JAKMIP1: variants seen among roughly 807,000 people sequenced by gnomAD.
JAKMIP1 encodes the protein janus kinase and microtubule interacting protein 1.
JAKMIP1 carries 33 observed loss-of-function variants against 113.0 expected under a neutral mutation model. That is an observed-to-expected ratio of 0.29 (90% confidence interval 0.22 to 0.39). JAKMIP1 has a LOEUF of 0.39. Among genes scored for constraint, JAKMIP1 ranks in the 10% least tolerant of loss-of-function variants. JAKMIP1 has a pLI of 1.00. For missense variants in JAKMIP1, 813 were observed against 1,080.5 expected, an observed-to-expected ratio of 0.75 and a Z score of 3.47; for synonymous variants, 480 against 459.9, an observed-to-expected ratio of 1.04 and a Z score of -0.56.
intron 1 of JAKMIP1, among the ~76,000 whole-genome samples, chr4:6,164,428 G>A (rs920576941): frequency 1.3e-5 from 2 of 151,990 alleles, no homozygotes; most frequent in Admixed American, 6.5e-5. Flanking sequence ...ATTGACAAGA[G>A]CTCTGATGGA....
At chr4:6,166,671 T>G (rs1723676919) in intron 1 of JAKMIP1, among the ~76,000 whole-genome samples, 1 of 152,242 alleles carries the variant, frequency 6.6e-6, no homozygotes, top group African/African-American at 2.4e-5. Context: ...ATGTGAATCT[T>G]CTCTATCATG....
intron 11 of JAKMIP1, 27 bp downstream of exon 11, chr4:6,060,397 C>T: frequency 3.2e-6 from 5 of 1,562,082 alleles, no homozygotes; most frequent in Non-Finnish European, 4.4e-6. Flanking sequence ...GGCTAAGATT[C>T]ACAGAGCACA....
intron 12 of JAKMIP1, chr4:6,054,710 AGACGCTG>A (rs1254125544): frequency 3.1e-5 from 14 of 456,352 alleles, no homozygotes; most frequent in Admixed American, 1.9e-4. Context: ...CCCAGCTGGG[AGACGCTG>A]GATCACTCAG....
rs1357053697 is a variant in JAKMIP1, at chr4:6,065,120, C to T, written c.1303-112G>A. 7.5e-7 allele frequency: 1 copy of T among 1,335,112 alleles called. No individual in the cohort carries two copies. The highest frequency in any genetic ancestry group is 1.1e-6 in the Non-Finnish European group (1 of 945,160). 82.7% of individuals were successfully genotyped at this position (1,335,112 alleles called of 1,614,324 possible). A position where few individuals can be genotyped will look rare whatever the true frequency, so the allele number is the denominator to read the frequency against. ...GGGGTGATGATTGACATTTGGGCCA[C>T]TGGGGCATCACAAGATGCGGTTGGT... is the stretch of plus-strand genomic sequence containing the variant. On this transcript the variant is annotated intron_variant, in intron 8 of 20. Transcript: ENST00000409021. This position sits in a 1 kb window ranked among gnomAD's most constrained non-coding sequence, Gnocchi z 5.1.
At chr4:6,047,872 C>T (rs547746299) in intron 16 of JAKMIP1, among the ~76,000 whole-genome samples, 26 of 152,236 alleles carry the variant, frequency 1.7e-4, no homozygotes, top group African/African-American at 6.3e-4. Flanking sequence ...GTGTAAAAGG[C>T]AAACAAATCA....
At chr4:6,074,294 G>T (rs1322543618) in intron 8 of JAKMIP1, among the ~76,000 whole-genome samples, 3 of 152,242 alleles carry the variant, frequency 2.0e-5, no homozygotes, top group Non-Finnish European at 4.4e-5. Context: ...GGGTGTGGGA[G>T]TGGACTGGAG....
intron 8 of JAKMIP1, among the ~76,000 whole-genome samples, chr4:6,070,579 C>T (rs965699202): frequency 2.0e-5 from 3 of 152,260 alleles, no homozygotes; most frequent in Non-Finnish European, 4.4e-5. Flanking sequence ...GTTGTCAACA[C>T]CATGGCACAG....
At position 6,135,279 on chromosome 4, in the gene JAKMIP1, C is replaced by T. The variant is rs920409553; in HGVS notation, c.-147-22282G>A. On this transcript the variant is annotated intron_variant, in intron 1 of 20. Coordinates refer to ENST00000409021, the MANE Select transcript of JAKMIP1 (RefSeq NM_001099433.2). The surrounding 1 kb of genome is among the most constrained non-coding windows in gnomAD (Gnocchi z 4.9). Reference sequence around the variant, plus strand: ...TAGGGTGGGACCTAATCCAAGATGACGGATGTCCTAACAATACGAGGAAAA... The same window carrying T: ...TAGGGTGGGACCTAATCCAAGATGATGGATGTCCTAACAATACGAGGAAAA... Among the ~76,000 whole-genome samples, 7 of 152,150 alleles carry T rather than the reference C, an allele frequency of 4.6e-5. No individual in the cohort carries two copies. The highest frequency in any genetic ancestry group is 1.2e-4 in the African/African-American group (5 of 41,428).
chr4:6,081,688 T>C lies in JAKMIP1; in HGVS notation c.1022A>G (p.Lys341Arg), dbSNP rs1360949851. 1.9e-6 allele frequency: 3 copies of C among 1,614,214 alleles called. No homozygotes were observed. The highest frequency in any genetic ancestry group is 2.2e-5 in the East Asian group (1 of 44,878). ...PLVEKNKRMN[K>R]KNEDLLQSIQ... ...ACTCTGCAACAGATCCTCATTCTTC[T>C]TGTTCATCCGCTTGTTCTTCTCCAC... is the stretch of plus-strand genomic sequence containing the variant. The change falls in exon 6 of 21, where the codon AAG (lysine) becomes AGG (arginine). Residue 341 changes from lysine (K) to arginine (R), a missense_variant. Lys to Arg is a conservative substitution (Grantham distance 26, BLOSUM62 2). Around this residue, in one of 2 missense-constraint regions of JAKMIP1, gnomAD observed 540 missense variants for 653.9 expected, o/e 0.83. Coordinates refer to ENST00000409021, the MANE Select transcript of JAKMIP1 (RefSeq NM_001099433.2). The surrounding 1 kb of genome is among the most constrained non-coding windows in gnomAD (Gnocchi z 4.6).
rs573366902 is a variant in JAKMIP1, at chr4:6,116,759, C to T, written c.-147-3762G>A. On this transcript the variant is annotated intron_variant, in intron 1 of 20. Transcript: ENST00000409021. The surrounding 1 kb of genome is among the most constrained non-coding windows in gnomAD (Gnocchi z 5.1). The stretch of plus-strand genomic sequence containing the variant: ...AGACAAGGTCCCAGCCATCACAGAA[C>T]GGTCTAGTCAGGAACACCACTATGG... Among the ~76,000 whole-genome samples the T allele has an allele frequency of 1.3e-3, 192 of 152,280 alleles. No individual in the cohort carries two copies. Among genetic ancestry groups the T allele is most frequent in the Middle Eastern group, 0.01 (3 of 294 alleles).
intron 1 of JAKMIP1, among the ~76,000 whole-genome samples, chr4:6,122,680 C>A (rs1382017091): frequency 2.6e-5 from 4 of 152,320 alleles, no homozygotes; most frequent in African/African-American, 9.6e-5. Context: ...GTTCATACCC[C>A]TGAACTGTTG....
intron 8 of JAKMIP1, among the ~76,000 whole-genome samples, chr4:6,071,007 G>A (rs930537424): frequency 2.6e-5 from 4 of 152,152 alleles, no homozygotes; most frequent in African/African-American, 9.7e-5. Flanking sequence ...TAAAACGTCT[G>A]AACTTTGACA....
Position 6,049,922 on chromosome 4 carries a change from C to T in JAKMIP1, c.1909-50G>A, listed in dbSNP as rs1324955117. ...TTTTGTGTGAGCTACAGAGACCAAC[C>T]ATACCAATTTCTAGGGCCACGGCCT... On this transcript the variant is annotated intron_variant, in intron 14 of 20. Transcript: ENST00000409021. This position sits in a 1 kb window ranked among gnomAD's most constrained non-coding sequence, Gnocchi z 7.0. The T allele has an allele frequency of 7.4e-7, 1 of 1,350,712 alleles. No homozygotes were observed. The highest frequency in any genetic ancestry group is 1.7e-5 in the Admixed American group (1 of 57,838). The allele number at this position is 1,350,712 out of a possible 1,614,324, so 83.7% of individuals were successfully genotyped here.
chr4:6,063,394 A>C (rs768768715), intron 9 of JAKMIP1, among the ~76,000 whole-genome samples: 1 of 152,232 alleles, frequency 6.6e-6, no homozygotes, highest in African/African-American at 2.4e-5. Flanking sequence ...TAAGTTAAAC[A>C]TAAAAGGCCC....
At chr4:6,126,318 AACATACACCTTGCAGAAACACACAC>A (rs1717596071) in intron 1 of JAKMIP1, among the ~76,000 whole-genome samples, 2 of 49,456 alleles carry the variant, frequency 4.0e-5, no homozygotes, top group Admixed American at 2.0e-4. Flanking sequence ...CACACACACA[AACATACACCTTGCAGAAACACACAC>A]ACACACACCA....
chr4:6,032,543 T>C (rs1451813404), intron 19 of JAKMIP1, among the ~76,000 whole-genome samples: 2 of 152,164 alleles, frequency 1.3e-5, no homozygotes, highest in Non-Finnish European at 2.9e-5. Flanking sequence ...GTGAGTTTCA[T>C]TCAACCAATG....
In JAKMIP1 at chr4:6,143,970, C is replaced by T. The variant is rs1373516174; in HGVS notation, c.-147-30973G>A. Among the ~76,000 whole-genome samples the T allele has an allele frequency of 6.6e-6, 1 of 152,156 alleles. No individual in the cohort carries two copies. The highest frequency in any genetic ancestry group is 1.5e-5 in the Non-Finnish European group (1 of 68,038). ...GGGACCACAGCATCTGCCTCACAGG[C>T]ATGCCAGGGGGTCAAAGCAGAGAGG... On this transcript the variant is annotated intron_variant, in intron 1 of 20. Transcript: ENST00000409021. The surrounding 1 kb of genome is among the most constrained non-coding windows in gnomAD (Gnocchi z 4.9).
At chr4:6,160,642 T>C (rs1722789259) in intron 1 of JAKMIP1, among the ~76,000 whole-genome samples, 1 of 152,100 alleles carries the variant, frequency 6.6e-6, no homozygotes, top group Admixed American at 6.6e-5. Context: ...CTCAACACGC[T>C]TGCTCATCCC....
chr4:6,099,431 C>T (rs559919697), intron 3 of JAKMIP1, among the ~76,000 whole-genome samples: 2 of 152,338 alleles, frequency 1.3e-5, no homozygotes, highest in South Asian at 2.1e-4. Context: ...GAACTCATAG[C>T]GTCACGCACC....
Sources: gnomAD v4.1 joint callset for allele counts (sites outside exome capture counted in the v4.1 genomes callset) on GRCh38, gnomAD v4.1.1 for gene constraint, gnomAD v4.1.1 regional missense constraint, Gnocchi (gnomAD v3.1) non-coding constraint, MANE v1.5 for transcripts, NCBI Gene and HGNC (gene_info 2026-07-23, HGNC 2026-07-21) for gene names.